EPHA6: variants seen among roughly 807,000 people sequenced by gnomAD.
EPHA6 encodes the protein EPH receptor A6, also known as ephrin type-A receptor 6.
A neutral mutation model predicts 112.0 loss-of-function variants in EPHA6; 50 were observed. The observed-to-expected ratio is 0.45, with a 90% confidence interval of 0.36 to 0.56. The LOEUF is 0.56. Ranked by LOEUF, EPHA6 falls within the 20% of genes least tolerant of loss-of-function variation. The pLI, the probability that EPHA6 is intolerant of heterozygous loss-of-function variation, is 0.00. For synonymous variants in EPHA6, 529 were observed against 490.7 expected, an observed-to-expected ratio of 1.08 and a Z score of -1.03; for missense variants, 1,280 against 1,417.4, an observed-to-expected ratio of 0.90 and a Z score of 1.56.
intron 3 of EPHA6, among the ~76,000 whole-genome samples, chr3:97,221,163 A>G (rs760045937): frequency 3.3e-5 from 5 of 151,930 alleles, no homozygotes; most frequent in Non-Finnish European, 5.9e-5. Context: ...AAATGCAGAA[A>G]TTAGATGGGC....
intron 11 of EPHA6, among the ~76,000 whole-genome samples, chr3:97,587,434 A>G (rs2093501196): frequency 6.6e-6 from 1 of 152,224 alleles, no homozygotes; most frequent in Non-Finnish European, 1.5e-5. Flanking sequence ...CATACAAAAT[A>G]TAAAATAAGG....
chr3:97,703,405 C>G (rs1430773236), intron 14 of EPHA6, among the ~76,000 whole-genome samples: 4 of 152,056 alleles, frequency 2.6e-5, no homozygotes, highest in Non-Finnish European at 4.4e-5. Context: ...TAGTTTTTTT[C>G]TTCTTGAATT....
chr3:96,860,644 A>G (rs2035954878), intron 1 of EPHA6, among the ~76,000 whole-genome samples: 1 of 152,126 alleles, frequency 6.6e-6, no homozygotes. Flanking sequence ...GATGCTGTGT[A>G]AGCAATGGGG....
chr3:97,595,699 G>C (rs538992789), intron 12 of EPHA6, among the ~76,000 whole-genome samples: 1 of 142,164 alleles, frequency 7.0e-6, no homozygotes, highest in East Asian at 2.0e-4. Context: ...GAGGAGAGGA[G>C]AGGAAGCGAA....
chr3:97,357,883 A>T (rs1284214747), intron 5 of EPHA6, among the ~76,000 whole-genome samples: 1 of 152,224 alleles, frequency 6.6e-6, no homozygotes, highest in Admixed American at 6.5e-5. Flanking sequence ...GAAGTGGAAC[A>T]TCATAAAGGT....
chr3:97,075,526 A>G (rs1488813681), intron 3 of EPHA6, among the ~76,000 whole-genome samples: 2 of 151,958 alleles, frequency 1.3e-5, no homozygotes, highest in Non-Finnish European at 2.9e-5. Flanking sequence ...AATACTAAAG[A>G]TTTTTCAGCT....
At chr3:97,351,538 G>A (rs905654575) in intron 5 of EPHA6, among the ~76,000 whole-genome samples, 10 of 152,230 alleles carry the variant, frequency 6.6e-5, no homozygotes, top group Non-Finnish European at 1.0e-4. Context: ...GTTGTACGGC[G>A]AGGGAAATTA....
intron 15 of EPHA6, among the ~76,000 whole-genome samples, chr3:97,730,848 G>A (rs1390372218): frequency 5.9e-5 from 9 of 152,114 alleles, no homozygotes; most frequent in Non-Finnish European, 7.4e-5. Flanking sequence ...AGAAACAGTC[G>A]CTGCTCTGGA....
rs893391134 is a variant in EPHA6, at chr3:97,753,776, A to T, written c.*5075A>T. On this transcript the variant is annotated 3_prime_UTR_variant, in exon 18 of 18. Transcript: ENST00000389672. ...AAATAGATGATTACTCCTGACTATA[A>T]CATATTACTAAGTGAAATGATAGAA... Among the ~76,000 whole-genome samples the T allele has an allele frequency of 2.0e-5, 3 of 152,176 alleles. No individual in the cohort carries two copies. Among genetic ancestry groups the T allele is most frequent in the African/African-American group, 7.2e-5 (3 of 41,450 alleles).
chr3:96,984,303 T>C (rs1012485528), intron 2 of EPHA6, among the ~76,000 whole-genome samples: 101 of 152,070 alleles, frequency 6.6e-4, no homozygotes, highest in Admixed American at 2.8e-3. Flanking sequence ...TCTGTTGGAG[T>C]TTGCTGGAGG....
chr3:97,116,545 A>G (rs866890400), intron 3 of EPHA6, among the ~76,000 whole-genome samples: 124 of 151,804 alleles, frequency 8.2e-4, no homozygotes, highest in African/African-American at 2.7e-3. Flanking sequence ...CTCTGCTTCT[A>G]TGCATTTAAA....
intron 1 of EPHA6, among the ~76,000 whole-genome samples, chr3:96,844,895 A>G (rs1444231846): frequency 6.6e-6 from 1 of 152,022 alleles, no homozygotes; most frequent in African/African-American, 2.4e-5. Context: ...GCTGATCCTC[A>G]ATTCATGTAG....
chr3:97,721,692 C>G (rs945184308), intron 15 of EPHA6, among the ~76,000 whole-genome samples: 2 of 152,304 alleles, frequency 1.3e-5, no homozygotes, highest in East Asian at 3.9e-4. Context: ...AACACTTAGA[C>G]TTTTTGGATC....
chr3:96,914,437 G>A (rs989767769), intron 2 of EPHA6, among the ~76,000 whole-genome samples: 4 of 152,100 alleles, frequency 2.6e-5, no homozygotes, highest in African/African-American at 9.7e-5. Context: ...ACCCACAAAT[G>A]TACTTATAAA....
chr3:96,860,983 T>C (rs1483675492), intron 1 of EPHA6, among the ~76,000 whole-genome samples: 3 of 152,036 alleles, frequency 2.0e-5, no homozygotes, highest in Admixed American at 1.3e-4. Flanking sequence ...CATTAATAAA[T>C]ATCAATGACC....
intron 2 of EPHA6, among the ~76,000 whole-genome samples, chr3:96,946,513 T>C (rs1024383224): frequency 1.3e-5 from 2 of 152,222 alleles, no homozygotes; most frequent in Non-Finnish European, 2.9e-5. Context: ...CTCATCCTTT[T>C]TTATGGCTGC....
At chr3:97,603,761 C>T (rs913611640) in intron 12 of EPHA6, among the ~76,000 whole-genome samples, 10 of 151,860 alleles carry the variant, frequency 6.6e-5, no homozygotes, top group Non-Finnish European at 1.5e-4. Context: ...GGAAAATACT[C>T]ATATAAATTG....
chr3:97,372,534 C>A (rs1011872955), intron 5 of EPHA6, among the ~76,000 whole-genome samples: 1 of 152,060 alleles, frequency 6.6e-6, no homozygotes, highest in African/African-American at 2.4e-5. Context: ...AAATGACCTA[C>A]AAATTATTTA....
At chr3:96,977,162 A>G (rs1172415598) in intron 2 of EPHA6, among the ~76,000 whole-genome samples, 1 of 152,166 alleles carries the variant, frequency 6.6e-6, no homozygotes, top group Non-Finnish European at 1.5e-5. Context: ...TCAGGTTGTT[A>G]TGAAAGTATC....
Sources: allele counts gnomAD v4.1 joint callset (sites outside exome capture counted in the v4.1 genomes callset), GRCh38; gene constraint gnomAD v4.1.1; transcripts MANE v1.5; gene names NCBI Gene and HGNC (gene_info 2026-07-23, HGNC 2026-07-21).